ZNF333: variants seen among roughly 807,000 people sequenced by gnomAD.
ZNF333 encodes zinc finger protein 333.
Under a neutral mutation model 76.1 loss-of-function variants are expected in ZNF333, and 61 were observed. The ratio of observed to expected loss-of-function variants is 0.80; its 90% CI spans 0.65 to 0.99. ZNF333 has a LOEUF of 0.99. ZNF333 is among the 50% of genes least tolerant of loss of function. The pLI is 0.00. For missense variants in ZNF333, 717 were observed against 822.4 expected (o/e 0.87, Z 1.57); for synonymous variants, 284 against 305.0 (o/e 0.93, Z 0.72).
exon 12 of ZNF333, chr19:14,731,221 A>G (rs765138550): frequency 1.3e-6 from 2 of 1,530,920 alleles, no homozygotes; most frequent in South Asian, 1.2e-5. Flanking sequence ...ACTCTCTTGC[A>G]TGTTCAGATC....
intron 7 of ZNF333, among the ~76,000 whole-genome samples, chr19:14,713,909 T>C (rs1396229834): frequency 6.6e-6 from 1 of 152,076 alleles, no homozygotes; most frequent in Non-Finnish European, 1.5e-5. Flanking sequence ...TGCAGTGAGC[T>C]GTGATTGTGC....
exon 12 of ZNF333, chr19:14,731,433 T>G: frequency 1.8e-6 from 1 of 551,070 alleles, no homozygotes; most frequent in South Asian, 2.4e-5. Context: ...GCAAGGAGAC[T>G]AAGGCCTGTG....
chr19:14,710,735 G>A (rs1254113906), intron 7 of ZNF333, among the ~76,000 whole-genome samples: 15 of 152,158 alleles, frequency 9.9e-5, no homozygotes, highest in Admixed American at 3.9e-4. Context: ...CCAAGATTGC[G>A]CCACTGCACT....
intron 6 of ZNF333, 132 bp from the exon 7 acceptor site, chr19:14,706,554 G>T: frequency 1.3e-6 from 1 of 746,990 alleles, no homozygotes; most frequent in East Asian, 2.6e-5. Context: ...CAAGGTAAAT[G>T]GGTCTCTCTC....
chr19:14,730,675 T>G (rs1427474830), intron 11 of ZNF333, among the ~76,000 whole-genome samples: 1 of 152,182 alleles, frequency 6.6e-6, no homozygotes, highest in East Asian at 1.9e-4. Context: ...TCAACTTTTA[T>G]TTTTAGATTC....
In ZNF333 at chr19:14,720,943, CA is replaced by C. The variant is rs2042571937; in HGVS notation, c.*1619del. ...CAATGAAATTAAATATAGATACTGA[CA>C]TTTTTTACATTTCCAACAAATTGTT... On this transcript the variant is annotated 3_prime_UTR_variant, in exon 12 of 12. Coordinates refer to ENST00000292530, the MANE Select transcript of ZNF333 (RefSeq NM_032433.4). 9.4e-6 allele frequency: 7 copies of C among 747,374 alleles called. No homozygotes were observed. The highest frequency in any genetic ancestry group is 9.4e-6 in the Non-Finnish European group (6 of 636,724). The allele number at this position is 747,374 out of a possible 1,614,324, so 46.3% of individuals were successfully genotyped here. A position where few individuals can be genotyped will look rare whatever the true frequency, so the allele number is the denominator to read the frequency against.
At chr19:14,701,523 G>A (rs996688400) in intron 5 of ZNF333, 2 of 951,116 alleles carry the variant, frequency 2.1e-6, no homozygotes, top group African/African-American at 1.8e-5. Context: ...GAATGGATAA[G>A]GTGTTGCAGA....
In ZNF333 at chr19:14,718,524, TG is replaced by T. The variant is rs2042504287; in HGVS notation, c.1200del (p.Gln401LysfsTer13). On this transcript the variant is annotated frameshift_variant, in exon 12 of 12. Coordinates refer to ENST00000292530, the MANE Select transcript of ZNF333 (RefSeq NM_032433.4). LOFTEE classifies it high-confidence loss of function. ...AGAAGTGCTTTGACTGTCAAGAATG[TG>T]GGCAAGCCTTCAAATATTCCTCGAA... is the stretch of plus-strand genomic sequence containing the variant. ...AEKCFDCQEC[G>X]QAFKYSSNLR... 2.5e-6 allele frequency: 4 copies of T among 1,614,116 alleles called. No individual in the cohort carries two copies. The highest frequency in any genetic ancestry group is 2.7e-5 in the African/African-American group (2 of 74,940).
chr19:14,694,331 G>A (rs1447423125), intron 2 of ZNF333, among the ~76,000 whole-genome samples: 1 of 152,118 alleles, frequency 6.6e-6, no homozygotes, highest in African/African-American at 2.4e-5. Context: ...AAAGTTAGCT[G>A]GGTGTGTGGC....
intron 4 of ZNF333, among the ~76,000 whole-genome samples, chr19:14,697,451 T>A (rs1451256290): frequency 6.7e-6 from 1 of 149,938 alleles, no homozygotes; most frequent in African/African-American, 2.5e-5. Context: ...AGCCTCAGCC[T>A]TTTGGGCTCA....
In ZNF333 at chr19:14,720,405, G is replaced by T. The variant is rs2042562011; in HGVS notation, c.*1080G>T. The T allele has an allele frequency of 1.0e-6, 1 of 985,314 alleles. No individual in the cohort carries two copies. The highest frequency in any genetic ancestry group is 1.2e-6 in the Non-Finnish European group (1 of 829,950). The allele number at this position is 985,314 out of a possible 1,614,324, so 61.0% of individuals were successfully genotyped here. On this transcript the variant is annotated 3_prime_UTR_variant, in exon 12 of 12. Coordinates refer to ENST00000292530, the MANE Select transcript of ZNF333 (RefSeq NM_032433.4). ...TTTCTAGACCTAGAGGAGCCCTCCT[G>T]TGACCATAAGGGTAAAAGCCGCAAG... is the stretch of plus-strand genomic sequence containing the variant.
rs530992569 is a variant in ZNF333, at chr19:14,698,133, C to T, written c.224-1066C>T. 3.3e-5 allele frequency among the ~76,000 whole-genome samples: 5 copies of T among 152,072 alleles called. No homozygotes were observed. The South Asian group carries it at 1.0e-3, about 32-fold the overall frequency. Reference sequence around the variant, plus strand: ...GGGCATGGTGGCTCATGCCTGCAGTCCCGGCACTTTGGGTGGATCACTTCA... The same window carrying T: ...GGGCATGGTGGCTCATGCCTGCAGTTCCGGCACTTTGGGTGGATCACTTCA... On this transcript the variant is annotated intron_variant, in intron 4 of 11. Transcript: ENST00000292530.
chr19:14,700,551 A>G (rs1427136131), intron 5 of ZNF333, among the ~76,000 whole-genome samples: 1 of 152,178 alleles, frequency 6.6e-6, no homozygotes, highest in African/African-American at 2.4e-5. Context: ...TCAGTGTGGA[A>G]AAAGCCTTCC....
At chr19:14,728,079 G>A (rs1242818956) in intron 11 of ZNF333, among the ~76,000 whole-genome samples, 3 of 152,188 alleles carry the variant, frequency 2.0e-5, no homozygotes, top group Non-Finnish European at 4.4e-5. Flanking sequence ...CGGGTGTGGT[G>A]GTGGGCGCCT....
intron 7 of ZNF333, among the ~76,000 whole-genome samples, chr19:14,713,836 G>A (rs2042346960): frequency 6.6e-6 from 1 of 152,048 alleles, no homozygotes; most frequent in Non-Finnish European, 1.5e-5. Flanking sequence ...TGGTGCACAC[G>A]TGTAGTCTCA....
At chr19:14,691,065 C>A (rs1167886950) in intron 1 of ZNF333, among the ~76,000 whole-genome samples, 1 of 152,168 alleles carries the variant, frequency 6.6e-6, no homozygotes, top group East Asian at 1.9e-4. Context: ...TGCACTCCAG[C>A]CTGGGTGACA....
intron 1 of ZNF333, among the ~76,000 whole-genome samples, chr19:14,691,736 G>C (rs937751133): frequency 1.3e-5 from 2 of 148,322 alleles, no homozygotes; most frequent in African/African-American, 5.0e-5. Flanking sequence ...GAGTGCAGTG[G>C]CACAATCTCG....
At chr19:14,714,479 A>G (rs560093405) in intron 7 of ZNF333, among the ~76,000 whole-genome samples, 162 of 152,338 alleles carry the variant, frequency 1.1e-3, no homozygotes, top group Non-Finnish European at 1.7e-3. Context: ...CTCTTCTCAG[A>G]GCGTCAGAGG....
intron 10 of ZNF333, 51 bp from the exon 11 acceptor site, chr19:14,717,606 C>T: frequency 6.5e-7 from 1 of 1,543,914 alleles, no homozygotes; most frequent in East Asian, 2.2e-5. Flanking sequence ...ACCTTGATCC[C>T]ACAGTTTCTT....
Sources: allele counts gnomAD v4.1 joint callset (sites outside exome capture counted in the v4.1 genomes callset), GRCh38; gene constraint gnomAD v4.1.1; transcripts MANE v1.5; gene names NCBI Gene and HGNC (gene_info 2026-07-23, HGNC 2026-07-21).